The following TLL1 variants were observed in gnomAD, a reference collection of about 807,000 sequenced individuals.
The protein encoded by TLL1 is tolloid-like protein 1.
A neutral mutation model predicts 128.2 loss-of-function variants in TLL1; 49 were observed. That is an observed-to-expected ratio of 0.38 (90% confidence interval 0.30 to 0.48). The LOEUF (loss-of-function observed/expected upper bound fraction) is 0.48. TLL1 is among the 20% of genes least tolerant of loss of function. TLL1 has a pLI of 0.96. For missense variants in TLL1, 1,123 were observed against 1,242.0 expected (o/e 0.90, Z 1.44); for synonymous variants, 454 against 418.8 (o/e 1.08, Z -1.03).
intron 1 of TLL1, among the ~76,000 whole-genome samples, chr4:165,903,002 C>T (rs1044830300): frequency 1.3e-5 from 2 of 152,144 alleles, no homozygotes; most frequent in African/African-American, 4.8e-5. Context: ...AAGTTCTGCT[C>T]ATCAAAATTA....
intron 8 of TLL1, 75 bp downstream of exon 8, chr4:166,014,635 T>C (rs1737854873): frequency 1.3e-6 from 2 of 1,595,848 alleles, no homozygotes; most frequent in African/African-American, 2.7e-5. Context: ...CATGATTTAC[T>C]CAACTGTTTG....
intron 9 of TLL1, among the ~76,000 whole-genome samples, chr4:166,031,954 A>G (rs76582571): frequency 0.22 from 33,369 of 152,044 alleles, 3,906 homozygotes; most frequent in Middle Eastern, 0.27. Context: ...TGACATTAGT[A>G]CTAGAATTAT....
intron 1 of TLL1, among the ~76,000 whole-genome samples, chr4:165,876,404 A>G (rs560900614): frequency 3.9e-5 from 6 of 152,340 alleles, no homozygotes; most frequent in African/African-American, 1.4e-4. Flanking sequence ...ATGCAAAAGC[A>G]AAAGAGAAGG....
intron 1 of TLL1, among the ~76,000 whole-genome samples, chr4:165,882,849 C>T (rs1321396784): frequency 6.6e-6 from 1 of 151,530 alleles, no homozygotes; most frequent in Admixed American, 6.6e-5. Context: ...AACTCCCAAC[C>T]TCAGGTGATC....
intron 9 of TLL1, among the ~76,000 whole-genome samples, chr4:166,033,692 A>G (rs1412983534): frequency 6.6e-6 from 1 of 152,198 alleles, no homozygotes; most frequent in Non-Finnish European, 1.5e-5. Context: ...GTTCACATGC[A>G]TATCTTTCTT....
intron 20 of TLL1, among the ~76,000 whole-genome samples, chr4:166,100,036 A>T (rs1453983432): frequency 2.0e-5 from 3 of 152,170 alleles, no homozygotes; most frequent in Non-Finnish European, 2.9e-5. Flanking sequence ...TCACTTGTGC[A>T]GGTGCAGAGT....
chr4:166,061,917 G>C (rs557476901), intron 15 of TLL1, among the ~76,000 whole-genome samples: 2 of 152,234 alleles, frequency 1.3e-5, no homozygotes, highest in South Asian at 4.1e-4. Context: ...AAAGGACCCA[G>C]TTTCAGCTTT....
rs962649623 is a variant in TLL1 at position 166,017,190 on chromosome 4, T to A, written c.1042+2630T>A. Among the ~76,000 whole-genome samples the A allele has an allele frequency of 3.1e-4, 47 of 152,284 alleles. 1 individual carries two copies. Among genetic ancestry groups the A allele is most frequent in the African/African-American group, 1.1e-3 (46 of 41,578 alleles). On this transcript the variant is annotated intron_variant, in intron 8 of 20. Transcript: ENST00000061240. Reference sequence around the variant, plus strand: ...CACTTATAAGTGAGAATATGTGGTATTTGGTCTTCTGTTCCTAAGTTAATT... The same window carrying A: ...CACTTATAAGTGAGAATATGTGGTAATTGGTCTTCTGTTCCTAAGTTAATT...
chr4:165,930,741 T>C (rs969466326), intron 1 of TLL1, among the ~76,000 whole-genome samples: 1 of 152,226 alleles, frequency 6.6e-6, no homozygotes, highest in Non-Finnish European at 1.5e-5. Flanking sequence ...TTTGAAAAAG[T>C]GATAACAAAT....
intron 19 of TLL1, among the ~76,000 whole-genome samples, chr4:166,095,128 G>A (rs1741960461): frequency 6.6e-6 from 1 of 151,968 alleles, no homozygotes. Flanking sequence ...AGTTTAATTT[G>A]CTTAGGTAAA....
chr4:165,902,394 C>G (rs1195289508), intron 1 of TLL1, among the ~76,000 whole-genome samples: 1 of 152,204 alleles, frequency 6.6e-6, no homozygotes, highest in East Asian at 1.9e-4. Flanking sequence ...GCTTGAAACC[C>G]AGGGCCCTTG....
intron 7 of TLL1, among the ~76,000 whole-genome samples, chr4:166,013,746 T>C (rs1375458205): frequency 6.6e-6 from 1 of 151,816 alleles, no homozygotes; most frequent in Non-Finnish European, 1.5e-5. Context: ...GAAAAATTAG[T>C]GAATCTTTTA....
At chr4:166,030,640 G>T in intron 9 of TLL1, 1 of 758,988 alleles carries the variant, frequency 1.3e-6, no homozygotes, top group Non-Finnish European at 1.8e-6. Context: ...TAGTTTTACA[G>T]TCTTATATGT....
At chr4:165,926,403 G>A (rs1315236735) in intron 1 of TLL1, among the ~76,000 whole-genome samples, 1 of 152,122 alleles carries the variant, frequency 6.6e-6, no homozygotes, top group African/African-American at 2.4e-5. Flanking sequence ...AAATTTGCAC[G>A]AGAACTGGAA....
At chr4:166,071,201 A>T (rs757533644) in intron 16 of TLL1, among the ~76,000 whole-genome samples, 2 of 151,908 alleles carry the variant, frequency 1.3e-5, no homozygotes, top group Non-Finnish European at 2.9e-5. Flanking sequence ...AGCTTTCTGC[A>T]AAGAGAAAAT....
At chr4:165,883,444 A>C (rs1266494299) in intron 1 of TLL1, among the ~76,000 whole-genome samples, 1 of 151,978 alleles carries the variant, frequency 6.6e-6, no homozygotes, top group Non-Finnish European at 1.5e-5. Flanking sequence ...CTAATACTAA[A>C]CCCCCCACAT....
rs777454988 is a variant in TLL1, at chr4:166,057,303, T to TGTGAAGGTA, written c.1841_1846+3dup. Reference sequence around the variant, plus strand: ...TGAGCTGGGCCCAGACAGAAGGAGCTGTGAAGGTATGACTGCACTCCTTCC... The same window carrying TGTGAAGGTA: ...TGAGCTGGGCCCAGACAGAAGGAGCTGTGAAGGTAGTGAAGGTATGACTGCACTCCTTCC... On this transcript the variant is annotated inframe_insertion, in exon 14 of 21. Transcript: ENST00000061240. 2.2e-5 allele frequency: 35 copies of TGTGAAGGTA among 1,613,676 alleles called. No individual in the cohort carries two copies. Among genetic ancestry groups the TGTGAAGGTA allele is most frequent in the Non-Finnish European group, 3.0e-5 (35 of 1,179,916 alleles).
chr4:166,061,484 A>G (rs981406808), intron 15 of TLL1, among the ~76,000 whole-genome samples: 2 of 151,816 alleles, frequency 1.3e-5, no homozygotes, highest in Non-Finnish European at 2.9e-5. Flanking sequence ...ACTTCAAGTG[A>G]TCCGCCTGCC....
chr4:165,976,776 G>C (rs945708420), intron 1 of TLL1, among the ~76,000 whole-genome samples: 20 of 152,326 alleles, frequency 1.3e-4, no homozygotes, highest in Admixed American at 7.2e-4. Flanking sequence ...TCTTTACATG[G>C]AACTGGGACA....
Sources: allele counts gnomAD v4.1 joint callset (sites outside exome capture counted in the v4.1 genomes callset), GRCh38; gene constraint gnomAD v4.1.1; transcripts MANE v1.5; gene names NCBI Gene and HGNC (gene_info 2026-07-23, HGNC 2026-07-21).